DCDC1: variants seen among roughly 807,000 people sequenced by gnomAD.
DCDC1 encodes the protein doublecortin domain containing 1.
DCDC1 carries 200 observed loss-of-function variants against 178.3 expected under a neutral mutation model. The observed-to-expected ratio is 1.12, with a 90% CI of 1.00 to 1.26. The LOEUF is 1.26. DCDC1 is among the 50% of genes most tolerant of loss of function. The pLI, the probability that DCDC1 is intolerant of heterozygous loss-of-function variation, is 0.00. For synonymous variants in DCDC1, 690 were observed against 604.8 expected (o/e 1.14, Z -2.07); for missense variants, 1,983 against 1,749.2 (o/e 1.13, Z -2.38).
At chr11:31,254,557 T>C (rs1411823597) in intron 8 of DCDC1, among the ~76,000 whole-genome samples, 1 of 152,246 alleles carries the variant, frequency 6.6e-6, no homozygotes, top group East Asian at 1.9e-4. Flanking sequence ...ATTTGGTACA[T>C]ATTGCCACAG....
intron 7 of DCDC1, among the ~76,000 whole-genome samples, chr11:31,280,154 A>T (rs1421731768): frequency 6.6e-6 from 1 of 152,196 alleles, no homozygotes; most frequent in Non-Finnish European, 1.5e-5. Context: ...AATACAGGGA[A>T]TTCTAATTAG....
At chr11:31,236,981 G>T (rs1976541719) in intron 9 of DCDC1, among the ~76,000 whole-genome samples, 1 of 151,796 alleles carries the variant, frequency 6.6e-6, no homozygotes, top group Non-Finnish European at 1.5e-5. Context: ...AATTGACACA[G>T]GATCTGAAAA....
intron 1 of DCDC1, among the ~76,000 whole-genome samples, chr11:31,360,652 C>T (rs1339346052): frequency 6.6e-6 from 1 of 152,080 alleles, no homozygotes; most frequent in East Asian, 1.9e-4. Context: ...TGCAGGTAAC[C>T]ATGGTTAACT....
At chr11:31,089,892 T>C (rs1040013440) in intron 17 of DCDC1, among the ~76,000 whole-genome samples, 1 of 152,182 alleles carries the variant, frequency 6.6e-6, no homozygotes, top group South Asian at 2.1e-4. Context: ...AGTAATTCTA[T>C]CATCTGTGTC....
At chr11:31,024,681 G>A (rs1255143041) in intron 20 of DCDC1, among the ~76,000 whole-genome samples, 2 of 151,774 alleles carry the variant, frequency 1.3e-5, no homozygotes, top group African/African-American at 4.8e-5. Context: ...CTTTCCAAAT[G>A]ATAATTTCTA....
At chr11:30,910,298 G>C (rs2134169428) in intron 28 of DCDC1, among the ~76,000 whole-genome samples, 1 of 152,224 alleles carries the variant, frequency 6.6e-6, no homozygotes, top group South Asian at 2.1e-4. Context: ...ATATGATTAA[G>C]GTACTAAAAC....
At chr11:31,249,587 C>T (rs1309995019) in intron 8 of DCDC1, among the ~76,000 whole-genome samples, 1 of 152,092 alleles carries the variant, frequency 6.6e-6, no homozygotes, top group African/African-American at 2.4e-5. Flanking sequence ...ACTGCAAGTC[C>T]AAGGAATGAA....
intron 20 of DCDC1, among the ~76,000 whole-genome samples, chr11:31,062,420 A>C (rs1408390171): frequency 3.3e-5 from 5 of 152,092 alleles, no homozygotes; most frequent in African/African-American, 1.2e-4. Context: ...GTGATGTGAG[A>C]ATAGTGGAGA....
intron 1 of DCDC1, among the ~76,000 whole-genome samples, chr11:31,338,858 CT>C (rs1209645544): frequency 6.6e-6 from 1 of 152,150 alleles, no homozygotes; most frequent in African/African-American, 2.4e-5. Context: ...GCCCTCCAGA[CT>C]TTTATATGAG....
chr11:30,948,446 T>C (rs1362312310), intron 21 of DCDC1, among the ~76,000 whole-genome samples: 1 of 152,150 alleles, frequency 6.6e-6, no homozygotes, highest in Non-Finnish European at 1.5e-5. Context: ...AATTTATAGA[T>C]TCAGTGCTCT....
At chr11:31,062,165 C>T (rs758281512) in intron 20 of DCDC1, among the ~76,000 whole-genome samples, 1 of 152,030 alleles carries the variant, frequency 6.6e-6, no homozygotes, top group African/African-American at 2.4e-5. Context: ...GTAAACTGTG[C>T]CTCTTTCTTG....
chr11:31,313,955 A>G (rs1219323452), intron 3 of DCDC1, among the ~76,000 whole-genome samples: 1 of 152,170 alleles, frequency 6.6e-6, no homozygotes, highest in Non-Finnish European at 1.5e-5. Flanking sequence ...TTGTCCTGGA[A>G]GTGTATATGT....
chr11:31,086,605 T>A (rs1178843694), intron 17 of DCDC1, among the ~76,000 whole-genome samples: 6 of 152,202 alleles, frequency 3.9e-5, no homozygotes, highest in Non-Finnish European at 8.8e-5. Context: ...TGGTGTCATA[T>A]CTGAGAAAGT....
intron 7 of DCDC1, chr11:31,280,719 C>T: frequency 1.7e-6 from 1 of 580,470 alleles, no homozygotes; most frequent in South Asian, 1.5e-5. Flanking sequence ...GCCCTTTCTG[C>T]CTTCTTCTTA....
At chr11:31,239,515 T>C (rs1183791786) in intron 9 of DCDC1, among the ~76,000 whole-genome samples, 2 of 151,944 alleles carry the variant, frequency 1.3e-5, no homozygotes, top group Admixed American at 1.3e-4. Flanking sequence ...GAAATTTACA[T>C]AAAAATACAT....
chr11:30,928,093 CATAA>C (rs1417258251), intron 22 of DCDC1, among the ~76,000 whole-genome samples: 3 of 152,234 alleles, frequency 2.0e-5, no homozygotes, highest in Middle Eastern at 3.4e-3. Context: ...GAAGATCCCT[CATAA>C]ATAGATTAAT....
At position 31,281,290 on chromosome 11, in the gene DCDC1, C is replaced by A. The variant is rs1946406877; in HGVS notation, c.960+9357G>T. On this transcript the variant is annotated intron_variant, in intron 7 of 38. Transcript: ENST00000684477. Reference sequence around the variant, plus strand: ...GTAGGGCCCCCAATAGCATGTTAAGCTGAAATGAAAAGAGAGGACATCTTT... The same window carrying A: ...GTAGGGCCCCCAATAGCATGTTAAGATGAAATGAAAAGAGAGGACATCTTT... Among the ~76,000 whole-genome samples the A allele has an allele frequency of 2.0e-5, 3 of 151,928 alleles. No homozygotes were observed. The South Asian group carries it at 6.2e-4, about 31-fold the overall frequency.
chr11:30,911,565 G>T, intron 27 of DCDC1, 145 bp from the exon 28 acceptor site: 1 of 681,128 alleles, frequency 1.5e-6, no homozygotes, highest in Non-Finnish European at 2.6e-6. Flanking sequence ...CTCCCCTACA[G>T]TAAGTGTGAT....
chr11:31,112,241 C>G (rs933729590), intron 11 of DCDC1, among the ~76,000 whole-genome samples: 4 of 152,168 alleles, frequency 2.6e-5, no homozygotes, highest in Admixed American at 2.6e-4. Flanking sequence ...TTTTTAAGCT[C>G]TATATTAATA....
Sources: allele counts gnomAD v4.1 joint callset (sites outside exome capture counted in the v4.1 genomes callset), GRCh38; gene constraint gnomAD v4.1.1; transcripts MANE v1.5; gene names NCBI Gene and HGNC (gene_info 2026-07-23, HGNC 2026-07-21).